CA1: variants seen among roughly 807,000 people sequenced by gnomAD.
The protein encoded by CA1 is carbonic anhydrase 1.
Under a neutral mutation model 28.8 loss-of-function variants are expected in CA1, and 27 were observed. The observed-to-expected ratio is 0.94, with a 90% CI of 0.69 to 1.29. The LOEUF (loss-of-function observed/expected upper bound fraction) is 1.29, where lower values mean the gene tolerates loss of function less well. Ranked by LOEUF, CA1 falls within the 50% of genes most tolerant of loss-of-function variation. The pLI is 0.00. For missense variants in CA1, 335 were observed against 310.5 expected (o/e 1.08, Z -0.59); for synonymous variants, 121 against 108.8 (o/e 1.11, Z -0.70).
At chr8:85,345,776 C>T (rs890001259) in intron 1 of CA1, among the ~76,000 whole-genome samples, 4 of 152,110 alleles carry the variant, frequency 2.6e-5, no homozygotes, top group African/African-American at 9.7e-5. Flanking sequence ...AGCCTTTCCC[C>T]TCTCAGTTCT....
At chr8:85,340,336 T>C (rs374937777) in intron 2 of CA1, among the ~76,000 whole-genome samples, 8 of 152,318 alleles carry the variant, frequency 5.3e-5, no homozygotes, top group East Asian at 1.9e-4. Context: ...AAAGCCTGAA[T>C]GACAGCACAT....
chr8:85,368,117 C>T (rs1315188785), intron 1 of CA1, among the ~76,000 whole-genome samples: 2 of 151,158 alleles, frequency 1.3e-5, no homozygotes, highest in African/African-American at 2.4e-5. Context: ...GTTTATGAAT[C>T]GCTTGTAATT....
chr8:85,330,518 T>C (rs1262077138), intron 6 of CA1, among the ~76,000 whole-genome samples: 2 of 152,304 alleles, frequency 1.3e-5, no homozygotes, highest in South Asian at 2.1e-4. Context: ...ATGGTCACAG[T>C]GGCACTTTTG....
intron 1 of CA1, among the ~76,000 whole-genome samples, chr8:85,369,214 C>T (rs376480732): frequency 6.6e-6 from 1 of 152,114 alleles, no homozygotes; most frequent in African/African-American, 2.4e-5. Context: ...TTAGGGAAAC[C>T]AGAGGTCAGC....
rs757917563 is a variant in CA1 at position 85,351,604 on chromosome 8, G to C, written c.-24-9945C>G. On this transcript the variant is annotated intron_variant, in intron 1 of 7. Transcript: ENST00000523022. Reference sequence around the variant, plus strand: ...TTTTAGTGCCTTGGCCATTGGCATCGCCTGAGGGTAATCCTAGATCACCCA... The same window carrying C: ...TTTTAGTGCCTTGGCCATTGGCATCCCCTGAGGGTAATCCTAGATCACCCA... 3 of 152,184 alleles carry C rather than the reference G, an allele frequency of 2.0e-5. No homozygotes were observed. The East Asian group carries it at 5.8e-4, about 29-fold the overall frequency. The allele number at this position is 152,184 out of a possible 1,614,324, so 9.4% of individuals were successfully genotyped here.
intron 1 of CA1, among the ~76,000 whole-genome samples, chr8:85,364,995 TC>T (rs149901513): frequency 0.13 from 19,738 of 152,142 alleles, 1,624 homozygotes; most frequent in Non-Finnish European, 0.19. Flanking sequence ...CCCTCTGCTC[TC>T]CCTCTGTGGG....
At chr8:85,368,955 GT>G in intron 1 of CA1, among the ~76,000 whole-genome samples, 1 of 152,150 alleles carries the variant, frequency 6.6e-6, no homozygotes, top group South Asian at 2.1e-4. Flanking sequence ...GGGGTCATGG[GT>G]TTTTTCCAGG....
At chr8:85,341,533 A>G in intron 2 of CA1, 66 bp downstream of exon 2, 2 of 955,560 alleles carry the variant, frequency 2.1e-6, no homozygotes, top group Non-Finnish European at 1.7e-6. Context: ...TAAATACTTA[A>G]TATCTTTTCT....
chr8:85,365,273 G>A (rs953472864), intron 1 of CA1, among the ~76,000 whole-genome samples: 1 of 152,162 alleles, frequency 6.6e-6, no homozygotes, highest in South Asian at 2.1e-4. Context: ...CTTAACAGGC[G>A]CTTCATTTCA....
At chr8:85,335,868 C>T (rs1452340017) in intron 4 of CA1, among the ~76,000 whole-genome samples, 6 of 152,206 alleles carry the variant, frequency 3.9e-5, no homozygotes, top group Non-Finnish European at 1.5e-5. Context: ...CAAGGTAAAG[C>T]AAGTTTTATT....
chr8:85,342,469 A>G (rs1808968599), intron 1 of CA1, among the ~76,000 whole-genome samples: 1 of 152,224 alleles, frequency 6.6e-6, no homozygotes, highest in East Asian at 1.9e-4. Context: ...AACTGGCAAC[A>G]AGCCAAGAAG....
chr8:85,338,369 T>C lies in CA1; in HGVS notation c.118A>G (p.Lys40Glu), dbSNP rs561675012. ...SPVDIKTSETKHDTSLKPISV... is the reference protein window; with the variant it reads ...SPVDIKTSETEHDTSLKPISV... ...ATAGGTTTCAGAGAGGTGTCATGTT[T>C]GGTTTCACTGGTTTTAATATCAACA... Residue 40 changes from lysine to glutamate, a missense_variant, in exon 3 of 8, where the codon AAA becomes GAA. Coordinates refer to ENST00000523022, the MANE Select transcript of CA1 (RefSeq NM_001128831.4). The C allele has an allele frequency of 4.2e-5, 68 of 1,613,926 alleles. 1 individual carries two copies. Among genetic ancestry groups the C allele is most frequent in the South Asian group, 3.5e-4 (32 of 91,074 alleles).
rs1231514943 is a variant in CA1, at chr8:85,328,347, G to A, written c.*213C>T. ...AACTTGAATTTAAGCATAAGCTTAT[G>A]CTTACAGATTACTATTTGCTAGCTT... is the stretch of plus-strand genomic sequence containing the variant. On this transcript the variant is annotated 3_prime_UTR_variant, in exon 8 of 8. Transcript: ENST00000523022. The A allele has an allele frequency of 2.3e-5, 9 of 396,820 alleles. No individual in the cohort carries two copies. The highest frequency in any genetic ancestry group is 4.1e-5 in the Non-Finnish European group (9 of 222,042). 24.6% of individuals were successfully genotyped at this position (396,820 alleles called of 1,614,324 possible).
chr8:85,353,661 C>T (rs1269517855), intron 1 of CA1, among the ~76,000 whole-genome samples: 1 of 151,628 alleles, frequency 6.6e-6, no homozygotes, highest in African/African-American at 2.4e-5. Flanking sequence ...GGAATTTGGC[C>T]ATTATACAAA....
At chr8:85,351,033 C>T (rs1000162645) in intron 1 of CA1, among the ~76,000 whole-genome samples, 11 of 152,188 alleles carry the variant, frequency 7.2e-5, no homozygotes, top group Admixed American at 1.3e-4. Context: ...GATTTTACTG[C>T]GTGGTTGCTT....
At chr8:85,362,924 G>A (rs1458021536) in intron 1 of CA1, among the ~76,000 whole-genome samples, 2 of 152,126 alleles carry the variant, frequency 1.3e-5, no homozygotes, top group Non-Finnish European at 2.9e-5. Flanking sequence ...TGTGTAGTTT[G>A]GCAGAATGAT....
At chr8:85,347,276 G>A (rs1000841730) in intron 1 of CA1, among the ~76,000 whole-genome samples, 1 of 152,176 alleles carries the variant, frequency 6.6e-6, no homozygotes, top group African/African-American at 2.4e-5. Context: ...AAAATACAAT[G>A]TGTGTGTCTC....
At chr8:85,331,764 T>C (rs1037214097) in intron 6 of CA1, among the ~76,000 whole-genome samples, 12 of 152,090 alleles carry the variant, frequency 7.9e-5, no homozygotes, top group African/African-American at 2.9e-4. Context: ...GGCCATCATT[T>C]TTCTTTCTTA....
chr8:85,372,162 G>T (rs973588634), intron 1 of CA1, among the ~76,000 whole-genome samples: 7 of 152,048 alleles, frequency 4.6e-5, no homozygotes. Flanking sequence ...AATCATGGAC[G>T]ATGGACCATA....
Sources: gnomAD v4.1 joint callset for allele counts (sites outside exome capture counted in the v4.1 genomes callset) on GRCh38, gnomAD v4.1.1 for gene constraint, MANE v1.5 for transcripts, NCBI Gene and HGNC (gene_info 2026-07-23, HGNC 2026-07-21) for gene names.